GALNT9: variants seen among roughly 807,000 people sequenced by gnomAD.
GALNT9 encodes the protein polypeptide N-acetylgalactosaminyltransferase 9, also known as GalNAc transferase 9.
A neutral mutation model predicts 63.1 loss-of-function variants in GALNT9; 47 were observed. The observed-to-expected ratio is 0.75, with a 90% confidence interval of 0.59 to 0.95. The LOEUF is 0.95. GALNT9 is among the 40% of genes least tolerant of loss of function. The probability of loss-of-function intolerance (pLI) is 0.00; values close to 1 mark genes in which losing one functional copy is unlikely to be tolerated. For missense variants in GALNT9, 829 were observed against 874.8 expected (o/e 0.95, Z 0.66); for synonymous variants, 396 against 365.7 (o/e 1.08, Z -0.94).
intron 7 of GALNT9, among the ~76,000 whole-genome samples, chr12:132,202,305 C>T (rs1255154110): frequency 1.3e-5 from 2 of 152,210 alleles, no homozygotes; most frequent in Admixed American, 6.5e-5. Context: ...CTTATCACTT[C>T]ATGGAAAACA....
chr12:132,303,387 ACAGCCTCGCCC>A (rs1566018947), intron 1 of GALNT9, among the ~76,000 whole-genome samples: 1 of 141,290 alleles, frequency 7.1e-6, no homozygotes, highest in East Asian at 2.0e-4. Context: ...TCTCCGGGGC[ACAGCCTCGCCC>A]GGGCACACCC....
In GALNT9 at chr12:132,245,959, G is replaced by C. The variant is rs941615419; in HGVS notation, c.1077+1951C>G. ...GCTCTTCGGCCTCGGTGGTGGCTGC[G>C]CACTGCCGGTCCCCGGCACCCTCCC... On this transcript the variant is annotated intron_variant, in intron 6 of 10. Coordinates refer to ENST00000328957, the MANE Select transcript of GALNT9 (RefSeq NM_001122636.2). This position sits in a 1 kb window ranked among gnomAD's most constrained non-coding sequence, Gnocchi z 6.3. 6.6e-6 allele frequency among the ~76,000 whole-genome samples: 1 copy of C among 152,038 alleles called. No individual in the cohort carries two copies.
chr12:132,319,186 G>T lies in GALNT9; in HGVS notation c.238+9780C>A, dbSNP rs531795799. ...AGAGAGGGCCTTGGATGCCCAGGTG[G>T]CTGGAAGTATTGCTTCCAGGTGCGT... On this transcript the variant is annotated intron_variant, in intron 1 of 10. Transcript: ENST00000328957. The surrounding 1 kb of genome is among the most constrained non-coding windows in gnomAD (Gnocchi z 5.2). 6.6e-6 allele frequency among the ~76,000 whole-genome samples: 1 copy of T among 152,330 alleles called. No individual in the cohort carries two copies. The highest frequency in any genetic ancestry group is 1.9e-4 in the East Asian group (1 of 5,186).
intron 1 of GALNT9, among the ~76,000 whole-genome samples, chr12:132,305,801 G>C (rs1881590166): frequency 6.6e-6 from 1 of 152,244 alleles, no homozygotes; most frequent in Non-Finnish European, 1.5e-5. Flanking sequence ...CTCGGGTGGA[G>C]AGCGCGGCCC....
rs548545623 is a variant in GALNT9 at position 132,252,922 on chromosome 12, C to T, written c.959+4767G>A. 1.6e-4 allele frequency among the ~76,000 whole-genome samples: 24 copies of T among 150,680 alleles called. No individual in the cohort carries two copies. Among genetic ancestry groups the T allele is most frequent in the African/African-American group, 5.6e-4 (23 of 41,110 alleles). On this transcript the variant is annotated intron_variant, in intron 5 of 10. Transcript: ENST00000328957. The surrounding 1 kb of genome is among the most constrained non-coding windows in gnomAD (Gnocchi z 5.2). Reference sequence around the variant, plus strand: ...CACGGAGACCAGTAGTGGCCCCGAACGGCTGGGTGCGCTGATATTTATTGC... The same window carrying T: ...CACGGAGACCAGTAGTGGCCCCGAATGGCTGGGTGCGCTGATATTTATTGC...
intron 6 of GALNT9, among the ~76,000 whole-genome samples, chr12:132,218,003 G>T (rs976647169): frequency 3.8e-5 from 5 of 132,386 alleles, no homozygotes; most frequent in Non-Finnish European, 7.8e-5. Context: ...CCACTCATTT[G>T]CCCACCTAGA....
intron 8 of GALNT9, 185 bp downstream of exon 8, chr12:132,200,939 G>C (rs976554128): frequency 3.4e-6 from 2 of 592,624 alleles, no homozygotes; most frequent in South Asian, 2.1e-5. Context: ...CTGCATCACC[G>C]TGAATGCACA....
At chr12:132,259,247 C>T (rs184350776) in intron 4 of GALNT9, among the ~76,000 whole-genome samples, 6 of 152,230 alleles carry the variant, frequency 3.9e-5, no homozygotes, top group Admixed American at 2.0e-4. Flanking sequence ...TAAATTTGGA[C>T]CGGTTTAAAA....
chr12:132,302,323 C>T (rs782308402), intron 1 of GALNT9, among the ~76,000 whole-genome samples: 1 of 151,914 alleles, frequency 6.6e-6, no homozygotes, highest in African/African-American at 2.4e-5. Flanking sequence ...TTTTCACACT[C>T]CATATTATTC....
chr12:132,241,690 C>A (rs1416860832), intron 6 of GALNT9, among the ~76,000 whole-genome samples: 7 of 110,952 alleles, frequency 6.3e-5, no homozygotes, highest in East Asian at 5.6e-4. Context: ...TCCCTATACC[C>A]ATTACACACA....
intron 8 of GALNT9, 80 bp downstream of exon 8, chr12:132,201,044 A>G (rs2095243355): frequency 1.5e-6 from 2 of 1,359,446 alleles, no homozygotes; most frequent in Admixed American, 3.8e-5. Context: ...ATGTGCCTGC[A>G]TCACCCTGAA....
rs1223555066 is a variant in GALNT9 at position 132,291,415 on chromosome 12, T to C, written c.239-4985A>G. 1.8e-4 allele frequency among the ~76,000 whole-genome samples: 17 copies of C among 91,930 alleles called. 1 individual carries two copies. Among genetic ancestry groups the C allele is most frequent in the African/African-American group, 8.4e-4 (16 of 19,032 alleles). 60.3% of individuals were successfully genotyped at this position (91,930 alleles called of 152,430 possible). A position where few individuals can be genotyped will look rare whatever the true frequency, so the allele number is the denominator to read the frequency against. On this transcript the variant is annotated intron_variant, in intron 1 of 10. Transcript: ENST00000328957. ...AGCACCCACGTCCACAGCGCACACG[T>C]CCACAGCACCCACAACCACAGCGCC...
chr12:132,199,059 G>A, intron 9 of GALNT9, 115 bp downstream of exon 9: 1 of 661,108 alleles, frequency 1.5e-6, no homozygotes, highest in South Asian at 1.8e-5. Context: ...TGCAGCCCTG[G>A]TGGCCTCAGA....
At chr12:132,271,129 C>T (rs770327959) in intron 2 of GALNT9, among the ~76,000 whole-genome samples, 11 of 152,018 alleles carry the variant, frequency 7.2e-5, no homozygotes, top group Non-Finnish European at 1.6e-4. Context: ...CCTTCAGTGC[C>T]GTGTGTGTTA....
At chr12:132,237,570 CACACCTGCTA>C (rs1878051118) in intron 6 of GALNT9, among the ~76,000 whole-genome samples, 1 of 152,006 alleles carries the variant, frequency 6.6e-6, no homozygotes, top group South Asian at 2.1e-4. Context: ...TATACCTGCT[CACACCTGCTA>C]ACACCTGCCA....
chr12:132,272,324 T>C (rs150701064), intron 2 of GALNT9, among the ~76,000 whole-genome samples: 1 of 152,334 alleles, frequency 6.6e-6, no homozygotes, highest in African/African-American at 2.4e-5. Flanking sequence ...TCCTTGGCAT[T>C]CTGACGGTGG....
chr12:132,218,649 G>A (rs188594689), intron 6 of GALNT9, among the ~76,000 whole-genome samples: 164 of 152,312 alleles, frequency 1.1e-3, no homozygotes, highest in African/African-American at 2.1e-3. Context: ...TCCATCTTCC[G>A]GGCAGGATCT....
In GALNT9 at chr12:132,201,181, G is replaced by A; in HGVS notation, c.1344C>T (p.Tyr448=). 6.2e-7 allele frequency: 1 copy of A among 1,613,302 alleles called. No homozygotes were observed. The highest frequency in any genetic ancestry group is 1.1e-5 in the South Asian group (1 of 90,912). Residue 448 remains tyrosine, a synonymous_variant, in exon 8 of 11, where the codon TAC becomes TAT. Transcript: ENST00000328957. The part of the protein sequence containing the change: ...QRLKCRSFKW[Y]LENVYPEMRV... The stretch of plus-strand genomic sequence containing the variant: ...TCATCTCCGGGTACACGTTCTCCAG[G>A]TACCACTTGAAGCTGCGACACTTCA...
chr12:132,311,891 C>A (rs1881827964), intron 1 of GALNT9, among the ~76,000 whole-genome samples: 1 of 152,210 alleles, frequency 6.6e-6, no homozygotes. Context: ...TTGCCCCTCT[C>A]TTTATTTCCA....
Sources: allele counts gnomAD v4.1 joint callset (sites outside exome capture counted in the v4.1 genomes callset), GRCh38; gene constraint gnomAD v4.1.1; non-coding constraint Gnocchi (gnomAD v3.1); transcripts MANE v1.5; gene names NCBI Gene and HGNC (gene_info 2026-07-23, HGNC 2026-07-21).